The following IL6ST variants were observed in gnomAD, a reference collection of about 807,000 sequenced individuals.
IL6ST encodes the protein interleukin-6 receptor subunit beta.
In IL6ST, 24 loss-of-function variants were observed where a neutral mutation model predicts 91.3. The ratio of observed to expected loss-of-function variants is 0.26; its 90% CI spans 0.19 to 0.37. IL6ST has a LOEUF of 0.37. Ranked by LOEUF, IL6ST falls within the 10% of genes least tolerant of loss-of-function variation. The probability of loss-of-function intolerance (pLI) is 1.00; values close to 1 mark genes in which losing one functional copy is unlikely to be tolerated. For missense variants in IL6ST, 914 were observed against 1,078.5 expected, an observed-to-expected ratio of 0.85 and a Z score of 2.14; for synonymous variants, 351 against 373.6, an observed-to-expected ratio of 0.94 and a Z score of 0.70.
rs1441893524 is a variant in IL6ST at position 55,937,191 on chromosome 5, G to T, written c.*3891C>A. On this transcript the variant is annotated 3_prime_UTR_variant, in exon 17 of 17. Coordinates refer to ENST00000381298, the MANE Select transcript of IL6ST (RefSeq NM_002184.4). ...ATAAAAAAAACATCTATCACTATCGGCCTTAAATGCATCTCATCACACGAC... is the reference window on the plus strand; with the variant it reads ...ATAAAAAAAACATCTATCACTATCGTCCTTAAATGCATCTCATCACACGAC... 9.3e-6 allele frequency: 2 copies of T among 213,946 alleles called. No individual in the cohort carries two copies. The highest frequency in any genetic ancestry group is 1.9e-5 in the Non-Finnish European group (2 of 105,930). 13.3% of individuals were successfully genotyped at this position (213,946 alleles called of 1,614,324 possible).
chr5:55,993,993 G>A (rs1754487075), intron 1 of IL6ST: 2 of 128,310 alleles, frequency 1.6e-5, no homozygotes, highest in Non-Finnish European at 3.1e-5. Context: ...TTTTAAGGCA[G>A]TATAATTGTT....
intron 8 of IL6ST, among the ~76,000 whole-genome samples, chr5:55,959,089 T>C (rs947511664): frequency 2.0e-5 from 3 of 152,296 alleles, no homozygotes; most frequent in Middle Eastern, 3.4e-3. Context: ...AGAGACTTCA[T>C]TCACGCATTG....
chr5:55,946,815 CA>C (rs34769064), intron 15 of IL6ST, among the ~76,000 whole-genome samples: 5,342 of 116,140 alleles, frequency 0.046, 162 homozygotes, highest in African/African-American at 0.11. Flanking sequence ...GACTCCATCT[CA>C]AAAAAAAAAA....
In IL6ST at chr5:55,939,756, C is replaced by T; in HGVS notation, c.*1326G>A. On this transcript the variant is annotated 3_prime_UTR_variant, in exon 17 of 17. Transcript: ENST00000381298. ...ACACTAGCGGCTTTAGCACTAAACT[C>T]GAGGCCTGGGTCACTTCTCCCTTGA... The T allele has an allele frequency of 4.8e-6, 1 of 207,772 alleles. No homozygotes were observed. Among genetic ancestry groups the T allele is most frequent in the Non-Finnish European group, 9.8e-6 (1 of 101,728 alleles). 12.9% of individuals were successfully genotyped at this position (207,772 alleles called of 1,614,324 possible). A position where few individuals can be genotyped will look rare whatever the true frequency, so the allele number is the denominator to read the frequency against.
intron 8 of IL6ST, among the ~76,000 whole-genome samples, chr5:55,958,797 C>G (rs1752134015): frequency 6.6e-6 from 1 of 150,492 alleles, no homozygotes; most frequent in Non-Finnish European, 1.5e-5. Flanking sequence ...CGTGTTCATG[C>G]CACTGCACTC....
At chr5:55,959,387 G>A (rs890976397) in intron 8 of IL6ST, among the ~76,000 whole-genome samples, 1 of 152,146 alleles carries the variant, frequency 6.6e-6, no homozygotes, top group African/African-American at 2.4e-5. Flanking sequence ...GAAGTAAAGG[G>A]ATATAGGTGG....
chr5:55,956,306 T>G, intron 9 of IL6ST, 71 bp from the exon 10 acceptor site: 1 of 845,032 alleles, frequency 1.2e-6, no homozygotes, highest in East Asian at 2.7e-5. Context: ...TTTCTTCATA[T>G]TCACAAATCA....
At chr5:55,961,734 G>C (rs1752328778) in intron 7 of IL6ST, among the ~76,000 whole-genome samples, 1 of 151,056 alleles carries the variant, frequency 6.6e-6, no homozygotes, top group Non-Finnish European at 1.5e-5. Context: ...CTCCAGCCTG[G>C]GCAACAAGAG....
In IL6ST at chr5:55,986,928, G is replaced by T. The variant is rs531286784; in HGVS notation, c.-103-4117C>A. Among the ~76,000 whole-genome samples, 6 of 152,300 alleles carry T rather than the reference G, an allele frequency of 3.9e-5. No homozygotes were observed. The South Asian group carries it at 1.2e-3, about 32-fold the overall frequency. The stretch of plus-strand genomic sequence containing the variant: ...ACCTGAAATCCCATCACTCTGGGAG[G>T]CCAAGGCAGGAGGATCACTTAAGCC... On this transcript the variant is annotated intron_variant, in intron 1 of 16. Coordinates refer to ENST00000381298, the MANE Select transcript of IL6ST (RefSeq NM_002184.4).
intron 1 of IL6ST, among the ~76,000 whole-genome samples, chr5:55,991,162 C>G (rs113555304): frequency 0.025 from 3,762 of 152,186 alleles, 175 homozygotes; most frequent in African/African-American, 0.086. Flanking sequence ...GAATTGGTTC[C>G]AAGTCTTTGC....
At chr5:55,953,740 G>A (rs1393122338) in intron 11 of IL6ST, among the ~76,000 whole-genome samples, 3 of 152,230 alleles carry the variant, frequency 2.0e-5, no homozygotes, top group Admixed American at 1.3e-4. Flanking sequence ...TGTAATACCA[G>A]CACTTTGGGA....
Position 55,986,211 on chromosome 5 carries a change from T to C in IL6ST, c.-103-3400A>G, listed in dbSNP as rs534711099. Among the ~76,000 whole-genome samples the C allele has an allele frequency of 2.6e-5, 4 of 152,386 alleles. No individual in the cohort carries two copies. In the East Asian group the frequency reaches 5.8e-4, roughly 22 times the overall value. On this transcript the variant is annotated intron_variant, in intron 1 of 16. Coordinates refer to ENST00000381298, the MANE Select transcript of IL6ST (RefSeq NM_002184.4). Reference sequence around the variant, plus strand: ...TTCTATCATTGTTCAAAAAGGGATATTGAAATCCCTGAATATAACTGTGGA... The same window carrying C: ...TTCTATCATTGTTCAAAAAGGGATACTGAAATCCCTGAATATAACTGTGGA...
chr5:55,946,178 A>G (rs1751238360), intron 15 of IL6ST, among the ~76,000 whole-genome samples: 1 of 152,218 alleles, frequency 6.6e-6, no homozygotes, highest in Admixed American at 6.5e-5. Flanking sequence ...GAAAATTAAA[A>G]CGATATAGTA....
intron 11 of IL6ST, among the ~76,000 whole-genome samples, chr5:55,954,571 T>C (rs2111699293): frequency 6.6e-6 from 1 of 152,308 alleles, no homozygotes; most frequent in Non-Finnish European, 1.5e-5. Flanking sequence ...AGTTTTCCCT[T>C]GACGATAAAA....
At chr5:55,991,256 C>A (rs6867015) in intron 1 of IL6ST, among the ~76,000 whole-genome samples, 4,434 of 152,198 alleles carry the variant, frequency 0.029, 143 homozygotes, top group African/African-American at 0.072. Flanking sequence ...GGTATATGCC[C>A]AGTAATGGGA....
chr5:55,968,440 C>G, intron 4 of IL6ST, 44 bp from the exon 5 acceptor site: 1 of 1,577,032 alleles, frequency 6.3e-7, no homozygotes, highest in African/African-American at 1.4e-5. Flanking sequence ...TTTATATCCA[C>G]AAATATTATG....
chr5:55,966,781 C>A (rs557906278), intron 5 of IL6ST, among the ~76,000 whole-genome samples: 1 of 152,122 alleles, frequency 6.6e-6, no homozygotes, highest in Admixed American at 6.5e-5. Flanking sequence ...AAAACTCTTT[C>A]AACTTTTCTG....
intron 8 of IL6ST, among the ~76,000 whole-genome samples, chr5:55,958,809 A>G (rs1439889265): frequency 6.6e-6 from 1 of 151,038 alleles, no homozygotes; most frequent in African/African-American, 2.4e-5. Context: ...ACTGCACTCC[A>G]GCCTGGGCAA....
At chr5:55,971,556 A>G (rs554832581) in intron 3 of IL6ST, among the ~76,000 whole-genome samples, 2 of 152,140 alleles carry the variant, frequency 1.3e-5, no homozygotes, top group South Asian at 2.1e-4. Context: ...GCTTTCCTCA[A>G]TGAATCCTAT....
Sources: allele counts gnomAD v4.1 joint callset (sites outside exome capture counted in the v4.1 genomes callset), GRCh38; gene constraint gnomAD v4.1.1; transcripts MANE v1.5; gene names NCBI Gene and HGNC (gene_info 2026-07-23, HGNC 2026-07-21).